GPR158: variants seen among roughly 807,000 people sequenced by gnomAD.
The protein encoded by GPR158 is G protein-coupled receptor 158.
A neutral mutation model predicts 78.2 loss-of-function variants in GPR158; 30 were observed. The observed-to-expected ratio is 0.38, with a 90% CI of 0.29 to 0.52. The LOEUF is 0.52. GPR158 is among the 20% of genes least tolerant of loss of function. The probability of loss-of-function intolerance (pLI) is 0.83; values close to 1 mark genes in which losing one functional copy is unlikely to be tolerated. For missense variants in GPR158, 1,463 were observed against 1,523.5 expected, an observed-to-expected ratio of 0.96 and a Z score of 0.66; for synonymous variants, 581 against 591.1, an observed-to-expected ratio of 0.98 and a Z score of 0.25.
intron 2 of GPR158, among the ~76,000 whole-genome samples, chr10:25,264,883 C>A (rs185487558): frequency 6.6e-6 from 1 of 152,048 alleles, no homozygotes; most frequent in African/African-American, 2.4e-5. Flanking sequence ...TGATACTCTG[C>A]GAACTATTTT....
At chr10:25,572,203 C>T (rs1037790129) in intron 6 of GPR158, among the ~76,000 whole-genome samples, 1 of 152,170 alleles carries the variant, frequency 6.6e-6, no homozygotes. Flanking sequence ...CGCTCAAAGA[C>T]ATCCCATTGT....
chr10:25,227,402 C>T (rs773286667), intron 2 of GPR158, among the ~76,000 whole-genome samples: 12 of 152,314 alleles, frequency 7.9e-5, no homozygotes, highest in Non-Finnish European at 1.2e-4. Flanking sequence ...TCCCTGCGTA[C>T]AGTTTCAAGC....
chr10:25,448,591 C>T (rs1835172140), intron 4 of GPR158, among the ~76,000 whole-genome samples: 1 of 152,176 alleles, frequency 6.6e-6, no homozygotes, highest in South Asian at 2.1e-4. Flanking sequence ...TTGTGCTAGT[C>T]TGTGTTCAAA....
intron 2 of GPR158, among the ~76,000 whole-genome samples, chr10:25,282,665 G>A (rs146385664): frequency 5.6e-4 from 85 of 152,158 alleles, no homozygotes; most frequent in East Asian, 2.3e-3. Context: ...ATGTTAGTCC[G>A]TCTCATAGAT....
At chr10:25,276,340 C>CA (rs894804832) in intron 2 of GPR158, among the ~76,000 whole-genome samples, 1 of 151,752 alleles carries the variant, frequency 6.6e-6, no homozygotes, top group Admixed American at 6.6e-5. Context: ...TTAGAAAAAC[C>CA]AAAAAAACAA....
At chr10:25,543,644 T>C (rs1238756138) in intron 5 of GPR158, among the ~76,000 whole-genome samples, 1 of 152,136 alleles carries the variant, frequency 6.6e-6, no homozygotes, top group Non-Finnish European at 1.5e-5. Context: ...CTTTTCCAAA[T>C]CCCCTTTGTC....
chr10:25,452,323 G>A (rs1835231651), intron 4 of GPR158, among the ~76,000 whole-genome samples: 1 of 152,120 alleles, frequency 6.6e-6, no homozygotes, highest in South Asian at 2.1e-4. Context: ...TAGGATTATA[G>A]GCATGAGCCA....
At chr10:25,281,312 G>A (rs751419473) in intron 2 of GPR158, among the ~76,000 whole-genome samples, 9 of 149,266 alleles carry the variant, frequency 6.0e-5, no homozygotes, top group African/African-American at 1.5e-4. Flanking sequence ...ACCTGTAATC[G>A]CAGCACCTTG....
At chr10:25,284,686 ATTTT>A (rs1254129207) in intron 2 of GPR158, among the ~76,000 whole-genome samples, 1 of 150,780 alleles carries the variant, frequency 6.6e-6, no homozygotes, top group Non-Finnish European at 1.5e-5. Context: ...CTTGTTCTTT[ATTTT>A]TTCTCTTTTT....
At chr10:25,570,669 CT>C (rs762969851) in intron 6 of GPR158, among the ~76,000 whole-genome samples, 1 of 152,176 alleles carries the variant, frequency 6.6e-6, no homozygotes, top group Non-Finnish European at 1.5e-5. Flanking sequence ...AATCCCAGCA[CT>C]TTGGGAGGCC....
At chr10:25,485,928 C>T (rs1022037518) in intron 5 of GPR158, among the ~76,000 whole-genome samples, 1 of 151,990 alleles carries the variant, frequency 6.6e-6, no homozygotes, top group Non-Finnish European at 1.5e-5. Context: ...GATGGTGGGG[C>T]CCTTATGAAT....
rs150863296 is a variant in GPR158 at position 25,569,588 on chromosome 10, A to G, written c.1515-3061A>G. On this transcript the variant is annotated intron_variant, in intron 6 of 10. Transcript: ENST00000376351. ...TAGGAGTTGCTGGGTATTGAGAACC[A>G]AACTTTGCTTCCTGCCAACCAGTTC... is the stretch of plus-strand genomic sequence containing the variant. Among the ~76,000 whole-genome samples the G allele has an allele frequency of 5.3e-3, 801 of 152,342 alleles. 8 individuals are homozygous for G. The highest frequency in any genetic ancestry group is 0.018 in the African/African-American group (757 of 41,582).
At chr10:25,356,327 G>C (rs952947154) in intron 2 of GPR158, among the ~76,000 whole-genome samples, 5 of 152,006 alleles carry the variant, frequency 3.3e-5, no homozygotes, top group African/African-American at 1.2e-4. Flanking sequence ...GATTGTTGGG[G>C]GGCATTGGGG....
chr10:25,432,131 A>G (rs1434755211), intron 4 of GPR158, among the ~76,000 whole-genome samples: 1 of 152,182 alleles, frequency 6.6e-6, no homozygotes, highest in Non-Finnish European at 1.5e-5. Context: ...TCCTTAACCT[A>G]AAAACCAATC....
intron 2 of GPR158, among the ~76,000 whole-genome samples, chr10:25,304,785 A>C (rs900763262): frequency 6.6e-6 from 1 of 152,152 alleles, no homozygotes; most frequent in African/African-American, 2.4e-5. Flanking sequence ...TCTCTTTGGC[A>C]TTGCGTCTGA....
At chr10:25,456,778 AT>A (rs1395914271) in intron 4 of GPR158, among the ~76,000 whole-genome samples, 2 of 152,120 alleles carry the variant, frequency 1.3e-5, no homozygotes, top group Non-Finnish European at 2.9e-5. Context: ...TTTTAAAAAA[AT>A]GATGTCAAAC....
In GPR158 at chr10:25,175,960, C is replaced by G. The variant is rs754236881; in HGVS notation, c.540C>G (p.Thr180=). The change falls in exon 1 of 11, where the codon ACC becomes ACG. Residue 180 remains threonine (T), a synonymous_variant. Transcript: ENST00000376351. This position sits in a 1 kb window ranked among gnomAD's most constrained non-coding sequence, Gnocchi z 6.4. ...SISRAAITFS[T]DSLSAPAPQV... ...CCCGGGCGGCCATCACCTTCAGCAC[C>G]GATTCGCTGTCCGCACCGGCCCCAC... 4 of 1,613,288 alleles carry G rather than the reference C, an allele frequency of 2.5e-6. No homozygotes were observed. Among genetic ancestry groups the G allele is most frequent in the Non-Finnish European group, 2.5e-6 (3 of 1,179,956 alleles).
intron 1 of GPR158, among the ~76,000 whole-genome samples, chr10:25,216,138 A>G (rs1390789569): frequency 6.6e-6 from 1 of 152,104 alleles, no homozygotes; most frequent in East Asian, 1.9e-4. Context: ...ATAGATTTAG[A>G]GTTTTTATTA....
intron 2 of GPR158, among the ~76,000 whole-genome samples, chr10:25,390,740 AT>A (rs1329855457): frequency 6.6e-6 from 1 of 152,224 alleles, no homozygotes; most frequent in Non-Finnish European, 1.5e-5. Context: ...AGAAAAACCC[AT>A]TTTCTGAGAA....
Sources: allele counts gnomAD v4.1 joint callset (sites outside exome capture counted in the v4.1 genomes callset), GRCh38; gene constraint gnomAD v4.1.1; non-coding constraint Gnocchi (gnomAD v3.1); transcripts MANE v1.5; gene names NCBI Gene and HGNC (gene_info 2026-07-23, HGNC 2026-07-21).